Variants in AKAP19 observed in about 807,000 individuals in gnomAD.
The protein encoded by AKAP19 is A-kinase anchoring protein 19.
At chr2:190,000,146 A>C in the AKAP19 span, among the ~76,000 whole-genome samples, 1 of 152,164 alleles carries the variant, frequency 6.6e-6, no homozygotes, top group Non-Finnish European at 1.5e-5. Flanking sequence ...TGGATGACTA[A>C]ATTATAACTA....
the AKAP19 span, among the ~76,000 whole-genome samples, chr2:189,960,584 T>G: frequency 6.6e-6 from 1 of 152,192 alleles, no homozygotes; most frequent in Non-Finnish European, 1.5e-5. Context: ...AAAGAGAAGA[T>G]TCATTCTGGC....
chr2:190,054,795 C>T, the AKAP19 span, among the ~76,000 whole-genome samples: 71 of 152,118 alleles, frequency 4.7e-4, no homozygotes, highest in East Asian at 0.01. Context: ...CTCACACCAG[C>T]TAGAATGGAG....
chr2:190,092,320 C>T, the AKAP19 span, among the ~76,000 whole-genome samples: 154 of 152,062 alleles, frequency 1.0e-3, no homozygotes, highest in African/African-American at 3.4e-3. Context: ...AAATCCTGCC[C>T]TTAGGTCAAA....
the AKAP19 span, among the ~76,000 whole-genome samples, chr2:190,069,134 A>ATGTG: frequency 1.1e-5 from 1 of 88,040 alleles, no homozygotes; most frequent in East Asian, 4.4e-4. Context: ...GTGTGCATGC[A>ATGTG]TATGTGTGTG....
chr2:190,061,329 GTT>G, the AKAP19 span, among the ~76,000 whole-genome samples: 1 of 152,014 alleles, frequency 6.6e-6, no homozygotes, highest in Non-Finnish European at 1.5e-5. Flanking sequence ...CAAGGTGCCT[GTT>G]TCTCTTTCCT....
chr2:190,115,103 G>A, the AKAP19 span, among the ~76,000 whole-genome samples: 1 of 147,928 alleles, frequency 6.8e-6, no homozygotes, highest in Non-Finnish European at 1.5e-5. Flanking sequence ...TGGCTTATGG[G>A]GGGCAGGGGA....
chr2:190,053,159 C>T, the AKAP19 span, among the ~76,000 whole-genome samples: 1 of 152,098 alleles, frequency 6.6e-6, no homozygotes, highest in African/African-American at 2.4e-5. Flanking sequence ...ATCAGGAGTA[C>T]TTAGTGTAAT....
At chr2:189,939,253 G>A in the AKAP19 span, among the ~76,000 whole-genome samples, 7 of 152,210 alleles carry the variant, frequency 4.6e-5, no homozygotes, top group Admixed American at 3.3e-4. Flanking sequence ...CATCGTTCCC[G>A]TGGGCAAAAA....
At chr2:189,980,241 T>C in the AKAP19 span, among the ~76,000 whole-genome samples, 2 of 152,216 alleles carry the variant, frequency 1.3e-5, no homozygotes, top group Admixed American at 1.3e-4. Context: ...TAAAAAAGAA[T>C]GAAATCATAT....
At chr2:190,087,907 G>A in the AKAP19 span, among the ~76,000 whole-genome samples, 1 of 152,042 alleles carries the variant, frequency 6.6e-6, no homozygotes, top group Non-Finnish European at 1.5e-5. Flanking sequence ...ATAATCTTTT[G>A]TATAAAAGAT....
the AKAP19 span, among the ~76,000 whole-genome samples, chr2:190,189,105 G>A: frequency 6.6e-6 from 1 of 152,176 alleles, no homozygotes; most frequent in Non-Finnish European, 1.5e-5. Flanking sequence ...GACTGGGAAG[G>A]TCTGGGCCAT....
the AKAP19 span, among the ~76,000 whole-genome samples, chr2:190,136,627 T>C: frequency 6.6e-6 from 1 of 152,060 alleles, no homozygotes; most frequent in African/African-American, 2.4e-5. Context: ...TCAGCTATTC[T>C]CCCCCAAAGG....
chr2:190,013,729 A>C, the AKAP19 span, among the ~76,000 whole-genome samples: 1 of 152,004 alleles, frequency 6.6e-6, no homozygotes, highest in Non-Finnish European at 1.5e-5. Context: ...TGTGTTAGCT[A>C]GGATGGTCTC....
chr2:190,173,077 T>G, the AKAP19 span, among the ~76,000 whole-genome samples: 4 of 150,984 alleles, frequency 2.6e-5, no homozygotes, highest in Admixed American at 6.6e-5. Context: ...ATCATGCCAC[T>G]GCACTCCAGC....
the AKAP19 span, among the ~76,000 whole-genome samples, chr2:189,979,228 A>C: frequency 2.6e-5 from 4 of 152,160 alleles, no homozygotes; most frequent in Non-Finnish European, 5.9e-5. Context: ...TGGCACAAAA[A>C]TAGATGCATG....
chr2:189,966,117 C>T, the AKAP19 span, among the ~76,000 whole-genome samples: 9 of 151,204 alleles, frequency 6.0e-5, no homozygotes, highest in African/African-American at 1.2e-4. Context: ...TGTTCTTACT[C>T]ATACGTGGGA....
chr2:189,990,548 T>C, the AKAP19 span, among the ~76,000 whole-genome samples: 18 of 152,182 alleles, frequency 1.2e-4, no homozygotes, highest in Admixed American at 1.3e-4. Flanking sequence ...TTTGTTTTAA[T>C]ATTTTTAAGG....
chr2:189,885,629 C>T, the AKAP19 span, among the ~76,000 whole-genome samples: 6 of 152,120 alleles, frequency 3.9e-5, no homozygotes, highest in Non-Finnish European at 8.8e-5. Context: ...AGAACACTTA[C>T]ATTATGCTAA....
the AKAP19 span, among the ~76,000 whole-genome samples, chr2:189,972,053 G>T: frequency 6.6e-6 from 1 of 152,068 alleles, no homozygotes; most frequent in Non-Finnish European, 1.5e-5. Flanking sequence ...TGAAGTCCTT[G>T]CCCATTCCTA....
Sources: allele counts gnomAD v4.1 joint callset (sites outside exome capture counted in the v4.1 genomes callset), GRCh38; gene constraint gnomAD v4.1.1; transcripts MANE v1.5; gene names NCBI Gene and HGNC (gene_info 2026-07-23, HGNC 2026-07-21).